Variants in TBXAS1 observed in about 807,000 individuals in gnomAD.
The protein encoded by TBXAS1 is thromboxane A synthase 1, also known as thromboxane-A synthase.
In TBXAS1, 48 loss-of-function variants were observed where a neutral mutation model predicts 60.7. That is an observed-to-expected ratio of 0.79 (90% CI 0.63 to 1.01). The LOEUF is 1.01. Among genes scored for constraint, TBXAS1 ranks in the 50% least tolerant of loss-of-function variants. TBXAS1 has a pLI of 0.00. For synonymous variants in TBXAS1, 287 were observed against 269.7 expected, an observed-to-expected ratio of 1.06 and a Z score of -0.63; for missense variants, 685 against 686.3, an observed-to-expected ratio of 1.00 and a Z score of 0.02.
At chr7:139,903,311 C>CAT (rs1187477710) in intron 3 of TBXAS1, among the ~76,000 whole-genome samples, 9 of 152,032 alleles carry the variant, frequency 5.9e-5, no homozygotes, top group African/African-American at 2.2e-4. Context: ...TTCCACCATA[C>CAT]ATATATACCA....
At chr7:139,818,737 G>C (rs1031017838) in intron 4 of TBXAS1, among the ~76,000 whole-genome samples, 2 of 152,158 alleles carry the variant, frequency 1.3e-5, no homozygotes, top group Non-Finnish European at 2.9e-5. Flanking sequence ...ATTGAGCCTT[G>C]ATTCAAGTAG....
At chr7:139,997,435 A>T (rs1352154246) in intron 9 of TBXAS1, among the ~76,000 whole-genome samples, 1 of 151,964 alleles carries the variant, frequency 6.6e-6, no homozygotes, top group Non-Finnish European at 1.5e-5. Context: ...TAATTCAAAG[A>T]CTCGAATCTA....
chr7:139,951,593 T>TAAAAA lies in TBXAS1; in HGVS notation c.451-1749_451-1745dup, dbSNP rs66551791. 6.3e-4 allele frequency among the ~76,000 whole-genome samples: 42 copies of TAAAAA among 66,312 alleles called. 1 individual carries two copies. The highest frequency in any genetic ancestry group is 1.7e-3 in the African/African-American group (27 of 16,248). The allele number at this position is 66,312 out of a possible 152,430, so 43.5% of individuals were successfully genotyped here. ...CAACATGGTGGAATCCCGTCTCTAC[T>TAAAAA]AAAAAAAAAAAAAAAAAAAAAAAAA... On this transcript the variant is annotated intron_variant, in intron 5 of 12. Transcript: ENST00000448866.
intron 4 of TBXAS1, among the ~76,000 whole-genome samples, chr7:139,795,666 T>G (rs1797546075): frequency 6.6e-6 from 1 of 151,512 alleles, no homozygotes; most frequent in Non-Finnish European, 1.5e-5. Flanking sequence ...GTTTAAGTCT[T>G]TAATCCATCT....
At position 140,015,828 on chromosome 7, in the gene TBXAS1, C is replaced by T; in HGVS notation, c.1332C>T (p.His444=). The T allele has an allele frequency of 6.2e-7, 1 of 1,613,870 alleles. No individual in the cohort carries two copies. Among genetic ancestry groups the T allele is most frequent in the Non-Finnish European group, 8.5e-7 (1 of 1,180,048 alleles). The change falls in exon 11 of 13, where the codon CAC becomes CAT. Residue 444 remains histidine (H), a synonymous_variant. Transcript: ENST00000448866. Reference sequence around the variant, plus strand: ...GTGCCCTGCACCATGACCCTGAGCACTGGCCAAGCCCGGAGACCTTCAACC... The same window carrying T: ...GTGCCCTGCACCATGACCCTGAGCATTGGCCAAGCCCGGAGACCTTCAACC... ...AVGALHHDPE[H]WPSPETFNPE... is the part of the protein sequence containing the mutation.
intron 4 of TBXAS1, among the ~76,000 whole-genome samples, chr7:139,932,548 A>C (rs1041132374): frequency 5.9e-5 from 9 of 152,264 alleles, no homozygotes; most frequent in East Asian, 1.9e-4. Context: ...CAAAAAAAAA[A>C]ACAAAACCTA....
chr7:139,791,023 C>T (rs982185122), intron 4 of TBXAS1, among the ~76,000 whole-genome samples: 1 of 152,124 alleles, frequency 6.6e-6, no homozygotes, highest in Admixed American at 6.5e-5. Flanking sequence ...ATGCTGGTCT[C>T]GAACTCTTGA....
At chr7:139,952,815 C>T in intron 5 of TBXAS1, 1 of 972,826 alleles carries the variant, frequency 1.0e-6, no homozygotes, top group Non-Finnish European at 1.4e-6. Context: ...AGCTTAGCGG[C>T]TTAAGCACAA....
chr7:139,814,796 C>A (rs1798106491), intron 4 of TBXAS1, among the ~76,000 whole-genome samples: 1 of 152,168 alleles, frequency 6.6e-6, no homozygotes, highest in African/African-American at 2.4e-5. Context: ...GGTGATCAAA[C>A]TTTTCCAAAG....
At chr7:139,825,227 GA>G (rs1481860491), upstream of TBXAS1, among the ~76,000 whole-genome samples, 1 of 152,010 alleles carries the variant, frequency 6.6e-6, no homozygotes, top group African/African-American at 2.4e-5. Context: ...CTTCATCCTA[GA>G]AAAACCCTGA....
chr7:139,944,613 C>G (rs148655593), intron 5 of TBXAS1, among the ~76,000 whole-genome samples: 101 of 152,290 alleles, frequency 6.6e-4, no homozygotes, highest in Non-Finnish European at 1.2e-3. Context: ...TGTGAATTGT[C>G]TGGAGGAGTC....
chr7:139,861,553 C>G (rs1486787354), intron 1 of TBXAS1, among the ~76,000 whole-genome samples: 1 of 151,824 alleles, frequency 6.6e-6, no homozygotes, highest in Non-Finnish European at 1.5e-5. Context: ...CTGTGCCTGG[C>G]CTGTTTAAAA....
intron 10 of TBXAS1, among the ~76,000 whole-genome samples, chr7:140,008,460 T>C (rs970266266): frequency 8.6e-5 from 13 of 150,546 alleles, no homozygotes; most frequent in Non-Finnish European, 1.5e-4. Flanking sequence ...TTTTTTTTTT[T>C]TTTTTGAGAT....
rs1488401575 is a variant in TBXAS1 at position 139,993,891 on chromosome 7, TC to T, written c.1135-13199del. Among the ~76,000 whole-genome samples, 1,149 of 139,954 alleles carry T rather than the reference TC, an allele frequency of 8.2e-3. 13 individuals are homozygous for T. Among genetic ancestry groups the T allele is most frequent in the African/African-American group, 0.01 (369 of 36,048 alleles). 91.8% of individuals were successfully genotyped at this position (139,954 alleles called of 152,430 possible). On this transcript the variant is annotated intron_variant, in intron 9 of 12. Coordinates refer to ENST00000448866, the MANE Select transcript of TBXAS1 (RefSeq NM_001061.7). ...GCTTTGCTTTTTCTTTTTCTTTCTTTCTTTTTTTTTTTTTTTTTTTTGAGAC... is the reference window on the plus strand; with the variant it reads ...GCTTTGCTTTTTCTTTTTCTTTCTTTTTTTTTTTTTTTTTTTTTTTGAGAC...
intron 1 of TBXAS1, among the ~76,000 whole-genome samples, chr7:139,855,798 C>T (rs540448317): frequency 6.6e-6 from 1 of 152,328 alleles, no homozygotes; most frequent in African/African-American, 2.4e-5. Flanking sequence ...AGATCCTTTT[C>T]TGTGAGCTAC....
intron 4 of TBXAS1, among the ~76,000 whole-genome samples, chr7:139,923,660 T>G (rs1290017429): frequency 6.6e-6 from 1 of 152,166 alleles, no homozygotes; most frequent in Non-Finnish European, 1.5e-5. Context: ...TGCCCTGTCT[T>G]ATGGTGCTGA....
At chr7:139,840,966 G>A (rs1799397404) in intron 1 of TBXAS1, among the ~76,000 whole-genome samples, 1 of 152,190 alleles carries the variant, frequency 6.6e-6, no homozygotes, top group African/African-American at 2.4e-5. Flanking sequence ...TGACTTCTAT[G>A]CCCACTGGCG....
At chr7:139,955,277 C>A (rs1809751654) in intron 6 of TBXAS1, among the ~76,000 whole-genome samples, 182 bp from the exon 7 acceptor site, 1 of 152,114 alleles carries the variant, frequency 6.6e-6, no homozygotes, top group South Asian at 2.1e-4. Context: ...GCTCAGAGTG[C>A]CCCATCCAGG....
At chr7:139,988,610 G>A (rs954420122) in intron 9 of TBXAS1, among the ~76,000 whole-genome samples, 17 of 151,968 alleles carry the variant, frequency 1.1e-4, no homozygotes, top group Non-Finnish European at 2.2e-4. Context: ...ACCTTTCCAC[G>A]CTGCAGGATG....
Sources: allele counts gnomAD v4.1 joint callset (sites outside exome capture counted in the v4.1 genomes callset), GRCh38; gene constraint gnomAD v4.1.1; transcripts MANE v1.5; gene names NCBI Gene and HGNC (gene_info 2026-07-23, HGNC 2026-07-21).